Variants in ZNF431 observed in about 807,000 individuals in gnomAD.
The protein encoded by ZNF431 is zinc finger protein 431.
In ZNF431, 34 loss-of-function variants were observed where a neutral mutation model predicts 57.0. The ratio of observed to expected loss-of-function variants is 0.60; its 90% CI spans 0.45 to 0.79. The LOEUF (loss-of-function observed/expected upper bound fraction) is 0.79. Ranked by LOEUF, ZNF431 falls within the 30% of genes least tolerant of loss-of-function variation. The probability of loss-of-function intolerance (pLI) is 0.00; values close to 1 mark genes in which losing one functional copy is unlikely to be tolerated. For missense variants in ZNF431, 607 were observed against 667.1 expected, an observed-to-expected ratio of 0.91 and a Z score of 0.99; for synonymous variants, 207 against 220.3, an observed-to-expected ratio of 0.94 and a Z score of 0.54.
intron 4 of ZNF431, among the ~76,000 whole-genome samples, chr19:21,179,986 A>G (rs751358531): frequency 2.0e-5 from 3 of 152,072 alleles, no homozygotes; most frequent in Non-Finnish European, 2.9e-5. Context: ...TAGGTTGTTC[A>G]GTTTCGTTGT....
chr19:21,178,908 C>T (rs1481636315), intron 4 of ZNF431, among the ~76,000 whole-genome samples: 3 of 152,014 alleles, frequency 2.0e-5, no homozygotes, highest in East Asian at 1.9e-4. Context: ...AGGAGAGGCC[C>T]CTCCTTTTCC....
Position 21,183,315 on chromosome 19 carries a change from C to T in ZNF431, c.1012C>T (p.His338Tyr). 6.2e-7 allele frequency: 1 copy of T among 1,613,812 alleles called. No homozygotes were observed. ...SSTLSTHKFI[H>Y]AGEKPYKCEE... ...AACCCTTAGTACACATAAGTTCATTCATGCTGGAGAGAAACCCTACAAATG... is the reference window on the plus strand; with the variant it reads ...AACCCTTAGTACACATAAGTTCATTTATGCTGGAGAGAAACCCTACAAATG... Residue 338 changes from histidine (H) to tyrosine (Y), a missense_variant, in exon 5 of 5, where the codon CAT becomes TAT. Transcript: ENST00000311048.
At chr19:21,173,692 AT>A (rs1233749712) in intron 4 of ZNF431, among the ~76,000 whole-genome samples, 3 of 150,514 alleles carry the variant, frequency 2.0e-5, no homozygotes. Context: ...TGCCAGGCTA[AT>A]TTTTATATTT....
rs1236684575 is a variant in ZNF431, at chr19:21,192,500, G to A, written c.*8466G>A. 2.0e-5 allele frequency: 3 copies of A among 152,130 alleles called. No individual in the cohort carries two copies. The highest frequency in any genetic ancestry group is 4.4e-5 in the Non-Finnish European group (3 of 67,984). The allele number at this position is 152,130 out of a possible 1,614,324, so 9.4% of individuals were successfully genotyped here. A position where few individuals can be genotyped will look rare whatever the true frequency, so the allele number is the denominator to read the frequency against. On this transcript the variant is annotated 3_prime_UTR_variant, in exon 5 of 5. Coordinates refer to ENST00000311048, the MANE Select transcript of ZNF431 (RefSeq NM_133473.4). ...TTTTTAAGATTTACTAAGGTCTTAG[G>A]CTTTTTTATACTTCAGATTATGTAT...
At position 21,143,554 on chromosome 19, in the gene ZNF431, G is replaced by A. The variant is rs1044989658; in HGVS notation, c.7G>A (p.Asp3Asn). Residue 3 changes from aspartate to asparagine, a missense_variant, in exon 2 of 5, where the codon GAC becomes AAC. By Grantham distance (23) the Asp-to-Asn change is conservative (BLOSUM62 1). Transcript: ENST00000311048. ...TCTGGTTTATTTTCTTCCATAGGACGACTTGAAATATGGAGTGTATCCTCT... is the reference window on the plus strand; with the variant it reads ...TCTGGTTTATTTTCTTCCATAGGACAACTTGAAATATGGAGTGTATCCTCT... MD[D>N]LKYGVYPLKE... The A allele has an allele frequency of 2.5e-6, 4 of 1,612,668 alleles. No homozygotes were observed. The highest frequency in any genetic ancestry group is 2.5e-6 in the Non-Finnish European group (3 of 1,178,828).
At chr19:21,158,450 G>A (rs763666915) in intron 2 of ZNF431, among the ~76,000 whole-genome samples, 30 of 152,028 alleles carry the variant, frequency 2.0e-4, no homozygotes, top group African/African-American at 6.8e-4. Context: ...CGCCCACCTC[G>A]GCCTCCCAAA....
intron 4 of ZNF431, among the ~76,000 whole-genome samples, chr19:21,181,582 A>T (rs1971211529): frequency 6.6e-6 from 1 of 151,754 alleles, no homozygotes; most frequent in South Asian, 2.1e-4. Flanking sequence ...TGTGTATCCT[A>T]GTGTATTTGT....
chr19:21,179,709 G>A (rs558573432), intron 4 of ZNF431, among the ~76,000 whole-genome samples: 1 of 151,854 alleles, frequency 6.6e-6, no homozygotes, highest in African/African-American at 2.4e-5. Context: ...ACAGGTGCCG[G>A]CCACCAAGCA....
chr19:21,155,484 G>A (rs1401359106), intron 2 of ZNF431, among the ~76,000 whole-genome samples: 1 of 152,204 alleles, frequency 6.6e-6, no homozygotes, highest in Non-Finnish European at 1.5e-5. Flanking sequence ...TTTTGGCTTA[G>A]GATTGACTTG....
intron 2 of ZNF431, among the ~76,000 whole-genome samples, chr19:21,153,756 G>A (rs2144949365): frequency 6.6e-6 from 1 of 152,216 alleles, no homozygotes; most frequent in East Asian, 1.9e-4. Flanking sequence ...CGCTCTTGTT[G>A]TCCAGTTTGG....
At chr19:21,148,699 G>A (rs1970179683) in intron 2 of ZNF431, among the ~76,000 whole-genome samples, 1 of 152,050 alleles carries the variant, frequency 6.6e-6, no homozygotes, top group Non-Finnish European at 1.5e-5. Flanking sequence ...CTGTTTTTTA[G>A]TAGTCAAAAT....
intron 2 of ZNF431, among the ~76,000 whole-genome samples, chr19:21,146,017 A>G (rs1970081863): frequency 6.6e-6 from 1 of 152,154 alleles, no homozygotes; most frequent in Non-Finnish European, 1.5e-5. Flanking sequence ...TTTTATTTAG[A>G]CCACTGAAGA....
At chr19:21,146,115 G>A (rs923331944) in intron 2 of ZNF431, among the ~76,000 whole-genome samples, 1 of 152,022 alleles carries the variant, frequency 6.6e-6, no homozygotes, top group Non-Finnish European at 1.5e-5. Context: ...CCCAAAAGAG[G>A]GTTCTTGGAT....
intron 2 of ZNF431, among the ~76,000 whole-genome samples, chr19:21,159,515 G>A (rs1230230218): frequency 6.6e-6 from 1 of 152,068 alleles, no homozygotes; most frequent in Non-Finnish European, 1.5e-5. Flanking sequence ...TGGGACTACA[G>A]GCCTGGGCCA....
chr19:21,155,479 G>A (rs1478673907), intron 2 of ZNF431, among the ~76,000 whole-genome samples: 1 of 152,088 alleles, frequency 6.6e-6, no homozygotes, highest in East Asian at 1.9e-4. Context: ...TGTTCTTTTG[G>A]CTTAGGATTG....
At position 21,189,835 on chromosome 19, in the gene ZNF431, G is replaced by T; in HGVS notation, c.*5801G>T. On this transcript the variant is annotated 3_prime_UTR_variant, in exon 5 of 5. Coordinates refer to ENST00000311048, the MANE Select transcript of ZNF431 (RefSeq NM_133473.4). ...GTCCTCCAACTTCATCCATGTGATT[G>T]AGAATAATAGTTTTTGTTTTTTTTT... 1 of 397,504 alleles carries T rather than the reference G, an allele frequency of 2.5e-6. No homozygotes were observed. Among genetic ancestry groups the T allele is most frequent in the South Asian group, 1.4e-4 (1 of 7,292 alleles). The allele number at this position is 397,504 out of a possible 1,614,324, so 24.6% of individuals were successfully genotyped here. A position where few individuals can be genotyped will look rare whatever the true frequency, so the allele number is the denominator to read the frequency against.
At position 21,183,891 on chromosome 19, in the gene ZNF431, CAT is replaced by C. The variant is rs1788260901; in HGVS notation, c.1590_1591del (p.His530GlnfsTer6). 5.0e-6 allele frequency: 8 copies of C among 1,613,922 alleles called. No homozygotes were observed. The highest frequency in any genetic ancestry group is 1.3e-5 in the African/African-American group (1 of 75,046). On this transcript the variant is annotated frameshift_variant, in exon 5 of 5. Transcript: ENST00000311048. LOFTEE classifies it high-confidence loss of function. The part of the protein sequence containing the change: ...AFNQSSTLTK[H>X]RKIHTRQKPY... Reference sequence around the variant, plus strand: ...TAACCAATCCTCAACTCTTACTAAACATAGGAAAATTCATACTAGACAGAAAC... The same window carrying C: ...TAACCAATCCTCAACTCTTACTAAACAGGAAAATTCATACTAGACAGAAAC...
At position 21,149,741 on chromosome 19, in the gene ZNF431, G is replaced by A. The variant is rs1599576801; in HGVS notation, c.96+6098G>A. The stretch of plus-strand genomic sequence containing the variant: ...TGAGACCCAGGGCCTTCCCTCCCCA[G>A]TGATGGCGGATCTCATCCTGTCATT... On this transcript the variant is annotated intron_variant, in intron 2 of 4. Transcript: ENST00000311048. The A allele has an allele frequency of 4.8e-6, 3 of 619,924 alleles. No individual in the cohort carries two copies. The East Asian group carries it at 1.1e-4, about 22-fold the overall frequency. The allele number at this position is 619,924 out of a possible 1,614,324, so 38.4% of individuals were successfully genotyped here. A position where few individuals can be genotyped will look rare whatever the true frequency, so the allele number is the denominator to read the frequency against.
chr19:21,168,776 A>G (rs962875289), intron 4 of ZNF431, among the ~76,000 whole-genome samples: 1 of 152,094 alleles, frequency 6.6e-6, no homozygotes, highest in Non-Finnish European at 1.5e-5. Context: ...TCAGAAATTT[A>G]TTTTAATGCT....
Sources: gnomAD v4.1 joint callset for allele counts (sites outside exome capture counted in the v4.1 genomes callset) on GRCh38, gnomAD v4.1.1 for gene constraint, MANE v1.5 for transcripts, NCBI Gene and HGNC (gene_info 2026-07-23, HGNC 2026-07-21) for gene names.